Variants in CEMIP observed in about 807,000 individuals in gnomAD.
CEMIP encodes cell migration-inducing and hyaluronan-binding protein.
Under a neutral mutation model 156.9 loss-of-function variants are expected in CEMIP, and 105 were observed. That is an observed-to-expected ratio of 0.67 (90% CI 0.57 to 0.79). The LOEUF (loss-of-function observed/expected upper bound fraction) is 0.79, where lower values mean the gene tolerates loss of function less well. Among genes scored for constraint, CEMIP ranks in the 30% least tolerant of loss-of-function variants. CEMIP has a pLI of 0.00. For missense variants in CEMIP, 1,457 were observed against 1,769.4 expected, an observed-to-expected ratio of 0.82 and a Z score of 3.17; for synonymous variants, 676 against 668.4, an observed-to-expected ratio of 1.01 and a Z score of -0.17.
chr15:80,800,642 C>G (rs1896352554), intron 1 of CEMIP, among the ~76,000 whole-genome samples: 1 of 152,136 alleles, frequency 6.6e-6, no homozygotes, highest in Admixed American at 6.5e-5. Flanking sequence ...CTTAGGGAGT[C>G]TTTACAAACC....
chr15:80,819,278 G>A (rs1372418968), intron 1 of CEMIP, among the ~76,000 whole-genome samples: 5 of 152,188 alleles, frequency 3.3e-5, no homozygotes, highest in Non-Finnish European at 7.3e-5. Flanking sequence ...AGGAGCTCAG[G>A]AAGCCATGGA....
chr15:80,899,442 G>T (rs1899373980), intron 12 of CEMIP, among the ~76,000 whole-genome samples: 1 of 152,182 alleles, frequency 6.6e-6, no homozygotes, highest in Non-Finnish European at 1.5e-5. Flanking sequence ...GGGAGGTGCT[G>T]GGAGTATAGA....
intron 1 of CEMIP, among the ~76,000 whole-genome samples, chr15:80,841,485 T>C (rs1310406319): frequency 6.6e-6 from 1 of 152,226 alleles, no homozygotes; most frequent in Non-Finnish European, 1.5e-5. Flanking sequence ...TCCCGTCCAC[T>C]CTGTTGGTAC....
Position 80,824,003 on chromosome 15 carries a change from C to T in CEMIP, c.-176+44389C>T, listed in dbSNP as rs1464930596. On this transcript the variant is annotated intron_variant, in intron 1 of 29. Transcript: ENST00000394685. The stretch of plus-strand genomic sequence containing the variant: ...ACCCCAGCACAGCATCAAGAAGGGG[C>T]CTGGTCAATGCACCCCTGAATTTGG... 2.6e-5 allele frequency among the ~76,000 whole-genome samples: 4 copies of T among 152,160 alleles called. No homozygotes were observed. In the East Asian group the frequency reaches 7.7e-4, roughly 29 times the overall value.
chr15:80,944,257 G>T (rs1901454011), intron 28 of CEMIP, among the ~76,000 whole-genome samples: 1 of 152,202 alleles, frequency 6.6e-6, no homozygotes, highest in South Asian at 2.1e-4. Context: ...TCCAGCCTGG[G>T]TGACACAGCA....
At chr15:80,840,726 C>T (rs1302304209) in intron 1 of CEMIP, among the ~76,000 whole-genome samples, 4 of 152,204 alleles carry the variant, frequency 2.6e-5, no homozygotes, top group African/African-American at 9.6e-5. Flanking sequence ...GCCCTGGACA[C>T]ACCAGCCTGG....
At chr15:80,876,608 G>A (rs1384946979) in intron 3 of CEMIP, among the ~76,000 whole-genome samples, 2 of 152,230 alleles carry the variant, frequency 1.3e-5, no homozygotes, top group Non-Finnish European at 2.9e-5. Context: ...TATGGGGCTG[G>A]AAGCAGGGAT....
chr15:80,936,972 C>T, intron 24 of CEMIP, 87 bp downstream of exon 24: 1 of 1,258,938 alleles, frequency 7.9e-7, no homozygotes, highest in Non-Finnish European at 1.2e-6. Flanking sequence ...CTAACGAAAC[C>T]ACAGGCTAGC....
chr15:80,891,091 A>G (rs1899019129), intron 10 of CEMIP, among the ~76,000 whole-genome samples: 1 of 152,218 alleles, frequency 6.6e-6, no homozygotes, highest in Non-Finnish European at 1.5e-5. Context: ...TTATCCCTCC[A>G]GTTCACTTGA....
intron 24 of CEMIP, among the ~76,000 whole-genome samples, 196 bp downstream of exon 24, chr15:80,937,081 T>C (rs1246052642): frequency 6.6e-6 from 1 of 152,228 alleles, no homozygotes; most frequent in Non-Finnish European, 1.5e-5. Context: ...ATGGGTAACC[T>C]TGGCCAGCGC....
At chr15:80,833,721 TGCAGTG>T (rs957817548) in intron 1 of CEMIP, among the ~76,000 whole-genome samples, 24 of 148,776 alleles carry the variant, frequency 1.6e-4, no homozygotes, top group African/African-American at 6.0e-4. Flanking sequence ...CAGGCTGGAG[TGCAGTG>T]GCATGATCTC....
chr15:80,911,398 A>G (rs1211945255), intron 14 of CEMIP, among the ~76,000 whole-genome samples: 4 of 152,250 alleles, frequency 2.6e-5, no homozygotes, highest in Non-Finnish European at 2.9e-5. Flanking sequence ...AGTTCTATTC[A>G]TAAATTTAGC....
intron 23 of CEMIP, 117 bp downstream of exon 23, chr15:80,933,577 T>G (rs1417525288): frequency 1.1e-4 from 82 of 754,276 alleles, no homozygotes; most frequent in Non-Finnish European, 7.1e-5. Context: ...ACAGAATTTT[T>G]TTTTCTTTTT....
intron 1 of CEMIP, among the ~76,000 whole-genome samples, chr15:80,853,245 A>G (rs1176669276): frequency 1.3e-5 from 2 of 152,228 alleles, no homozygotes; most frequent in Non-Finnish European, 2.9e-5. Flanking sequence ...AGCTACATTT[A>G]GTCAAATGGA....
chr15:80,876,716 C>T (rs1898491294), intron 3 of CEMIP, among the ~76,000 whole-genome samples: 1 of 149,146 alleles, frequency 6.7e-6, no homozygotes, highest in African/African-American at 2.6e-5. Flanking sequence ...AAGAGGACAA[C>T]TCAGTGTGGG....
At chr15:80,851,200 C>T (rs1055182743) in intron 1 of CEMIP, among the ~76,000 whole-genome samples, 1 of 152,150 alleles carries the variant, frequency 6.6e-6, no homozygotes, top group Non-Finnish European at 1.5e-5. Context: ...GGCAGGCAGA[C>T]AATCCTGGGG....
intron 1 of CEMIP, among the ~76,000 whole-genome samples, chr15:80,796,331 A>G (rs1031466741): frequency 1.3e-5 from 2 of 152,144 alleles, no homozygotes; most frequent in African/African-American, 4.8e-5. Context: ...TTACACTCAG[A>G]ACTATAGAGT....
intron 1 of CEMIP, among the ~76,000 whole-genome samples, chr15:80,872,167 A>G (rs558020270): frequency 3.7e-4 from 57 of 152,174 alleles, no homozygotes; most frequent in Non-Finnish European, 4.7e-4. Context: ...ACTTTTCGCT[A>G]AGCTGGTTCA....
rs1046998824 is a variant in CEMIP, at chr15:80,868,090, C to A, written c.-175-5448C>A. Among the ~76,000 whole-genome samples, 8 of 152,098 alleles carry A rather than the reference C, an allele frequency of 5.3e-5. No individual in the cohort carries two copies. The South Asian group carries it at 1.2e-3, about 24-fold the overall frequency. On this transcript the variant is annotated intron_variant, in intron 1 of 29. Coordinates refer to ENST00000394685, the MANE Select transcript of CEMIP (RefSeq NM_001293298.2). ...TTAGCCAGAAAAGGATCTTAGTGGACCCTGTGCAGGCAATCCAGTCCTCCA... is the reference window on the plus strand; with the variant it reads ...TTAGCCAGAAAAGGATCTTAGTGGAACCTGTGCAGGCAATCCAGTCCTCCA...
Sources: allele counts gnomAD v4.1 joint callset (sites outside exome capture counted in the v4.1 genomes callset), GRCh38; gene constraint gnomAD v4.1.1; transcripts MANE v1.5; gene names NCBI Gene and HGNC (gene_info 2026-07-23, HGNC 2026-07-21).